VTCN1: variants seen among roughly 807,000 people sequenced by gnomAD.
The protein encoded by VTCN1 is V-set domain containing T cell activation inhibitor 1.
VTCN1 carries 26 observed loss-of-function variants against 26.5 expected under a neutral mutation model. That is an observed-to-expected ratio of 0.98 (90% confidence interval 0.72 to 1.36). The LOEUF (loss-of-function observed/expected upper bound fraction) is 1.36. Among genes scored for constraint, VTCN1 ranks in the 40% most tolerant of loss-of-function variants. The pLI, the probability that VTCN1 is intolerant of heterozygous loss-of-function variation, is 0.00. For missense variants in VTCN1, 298 were observed against 337.7 expected (o/e 0.88, Z 0.92); for synonymous variants, 116 against 130.7 (o/e 0.89, Z 0.77).
At position 117,169,791 on chromosome 1, in the gene VTCN1, AG is replaced by A. The variant is rs745901318; in HGVS notation, c.97+315del. The stretch of plus-strand genomic sequence containing the variant: ...ATGCCTGTAGTCCTAGCTACTTGGG[AG>A]GCTGAGGTGAGAGGATGGCTTGAAC... On this transcript the variant is annotated intron_variant, in intron 2 of 5. Transcript: ENST00000369458. The surrounding 1 kb of genome is among the most constrained non-coding windows in gnomAD (Gnocchi z 4.0). Among the ~76,000 whole-genome samples the A allele has an allele frequency of 2.4e-4, 36 of 152,266 alleles. No individual in the cohort carries two copies. The highest frequency in any genetic ancestry group is 4.4e-4 in the Non-Finnish European group (30 of 68,024).
In VTCN1 at chr1:117,146,553, T is replaced by A. The variant is rs1651518518; in HGVS notation, c.*45+1060A>T. ...GAGGTGGGATATAAGCTAGGAAGCA[T>A]TTTCCTAAAATGGATAAAGGAAGTA... is the stretch of plus-strand genomic sequence containing the variant. On this transcript the variant is annotated intron_variant, in intron 5 of 5. Coordinates refer to ENST00000369458, the MANE Select transcript of VTCN1 (RefSeq NM_024626.4). This position sits in a 1 kb window ranked among gnomAD's most constrained non-coding sequence, Gnocchi z 4.2. Among the ~76,000 whole-genome samples the A allele has an allele frequency of 6.6e-6, 1 of 152,200 alleles. No individual in the cohort carries two copies. The highest frequency in any genetic ancestry group is 2.1e-4 in the South Asian group (1 of 4,828).
rs886345246 is a variant in VTCN1 at position 117,170,121 on chromosome 1, C to T, written c.83G>A (p.Gly28Asp). 3.1e-6 allele frequency: 5 copies of T among 1,613,676 alleles called. No individual in the cohort carries two copies. In the African/African-American group the frequency reaches 4.0e-5, roughly 13 times the overall value. ...ILAGAIALII[G>D]FGISGRHSIT... ...AAATCACATACCTGAAATACCAAAG[C>T]CAATGATGAGTGCAATTGCTCCAGC... Residue 28 changes from glycine to aspartate, a missense_variant, in exon 2 of 6, where the codon GGC becomes GAC. Coordinates refer to ENST00000369458, the MANE Select transcript of VTCN1 (RefSeq NM_024626.4).
Position 117,147,622 on chromosome 1 carries a change from C to A in VTCN1, c.*36G>T. On this transcript the variant is annotated 3_prime_UTR_variant, in exon 5 of 6. Coordinates refer to ENST00000369458, the MANE Select transcript of VTCN1 (RefSeq NM_024626.4). This position sits in a 1 kb window ranked among gnomAD's most constrained non-coding sequence, Gnocchi z 4.6. ...TTGTGATTAATCTCACCTGTTGTAA[C>A]AATGACTTTGCATGCTTTTTTGTGG... The A allele has an allele frequency of 6.2e-7, 1 of 1,609,262 alleles. No individual in the cohort carries two copies. The highest frequency in any genetic ancestry group is 1.7e-4 in the Middle Eastern group (1 of 5,960).
At chr1:117,170,225 C>A in intron 1 of VTCN1, 54 bp from the exon 2 acceptor site, 1 of 1,538,968 alleles carries the variant, frequency 6.5e-7, no homozygotes, top group Non-Finnish European at 9.0e-7. Flanking sequence ...TCTTGATGTG[C>A]TGCTTTGCAA....
chr1:117,158,891 G>A (rs756850152), intron 2 of VTCN1, among the ~76,000 whole-genome samples: 27 of 152,048 alleles, frequency 1.8e-4, no homozygotes, highest in African/African-American at 5.3e-4. Flanking sequence ...CACAAATCTC[G>A]AGGGCAGGGG....
intron 2 of VTCN1, among the ~76,000 whole-genome samples, chr1:117,157,430 G>A (rs10923211): frequency 6.6e-6 from 1 of 151,988 alleles, no homozygotes; most frequent in Non-Finnish European, 1.5e-5. Context: ...GAGGCAAAAG[G>A]CACTTCTTAC....
At chr1:117,198,334 T>A (rs573340713) in intron 1 of VTCN1, among the ~76,000 whole-genome samples, 48 of 152,338 alleles carry the variant, frequency 3.2e-4, no homozygotes, top group Non-Finnish European at 4.4e-5. Flanking sequence ...GTGTTATATG[T>A]GAATGACAGA....
At chr1:117,163,923 TC>T (rs1557864429) in intron 2 of VTCN1, among the ~76,000 whole-genome samples, 1 of 152,198 alleles carries the variant, frequency 6.6e-6, no homozygotes, top group Non-Finnish European at 1.5e-5. Context: ...GTGCAATGTT[TC>T]CATTTTGGTG....
intron 2 of VTCN1, among the ~76,000 whole-genome samples, chr1:117,168,304 G>T (rs1352286147): frequency 6.6e-6 from 1 of 152,200 alleles, no homozygotes; most frequent in African/African-American, 2.4e-5. Flanking sequence ...GGTACTGAAG[G>T]GAAGTGGGGG....
At chr1:117,197,945 A>G (rs1375507445) in intron 1 of VTCN1, among the ~76,000 whole-genome samples, 1 of 152,128 alleles carries the variant, frequency 6.6e-6, no homozygotes, top group Non-Finnish European at 1.5e-5. Context: ...GCTTGTTTGT[A>G]TGCCTGCTGG....
At chr1:117,207,189 C>T (rs865968220) in intron 1 of VTCN1, among the ~76,000 whole-genome samples, 2 of 152,148 alleles carry the variant, frequency 1.3e-5, no homozygotes, top group African/African-American at 4.8e-5. Context: ...CTCCTTGTCC[C>T]AGGATCCCTC....
chr1:117,193,029 C>T (rs142374983), intron 1 of VTCN1, among the ~76,000 whole-genome samples: 2 of 152,146 alleles, frequency 1.3e-5, no homozygotes, highest in African/African-American at 2.4e-5. Context: ...AATAACAATA[C>T]AGCATAACAA....
In VTCN1 at chr1:117,190,163, T is replaced by C. The variant is rs190616805; in HGVS notation, c.33-19992A>G. On this transcript the variant is annotated intron_variant, in intron 1 of 5. Transcript: ENST00000369458. ...TGCTAGTCCCTCTCTGCTGTGCTTA[T>C]GGAACAGTCCTGTTCACTCAGGACT... is the stretch of plus-strand genomic sequence containing the variant. Among the ~76,000 whole-genome samples the C allele has an allele frequency of 6.0e-4, 91 of 152,332 alleles. 1 individual carries two copies. The highest frequency in any genetic ancestry group is 2.0e-3 in the African/African-American group (84 of 41,568).
In VTCN1 at chr1:117,155,689, C is replaced by G. The variant is rs185821710; in HGVS notation, c.445+885G>C. Among the ~76,000 whole-genome samples, 277 of 152,170 alleles carry G rather than the reference C, an allele frequency of 1.8e-3. 2 individuals are homozygous for G. The highest frequency in any genetic ancestry group is 3.5e-3 in the Non-Finnish European group (241 of 68,002). ...CAGGTCTGATTCTAGATCTGAGCTTCGAATCATTGCATATGCATGTTATGA... is the reference window on the plus strand; with the variant it reads ...CAGGTCTGATTCTAGATCTGAGCTTGGAATCATTGCATATGCATGTTATGA... On this transcript the variant is annotated intron_variant, in intron 3 of 5. Coordinates refer to ENST00000369458, the MANE Select transcript of VTCN1 (RefSeq NM_024626.4). The surrounding 1 kb of genome is among the most constrained non-coding windows in gnomAD (Gnocchi z 4.8).
intron 1 of VTCN1, among the ~76,000 whole-genome samples, chr1:117,204,556 A>G (rs1278505552): frequency 6.6e-6 from 1 of 152,104 alleles, no homozygotes; most frequent in African/African-American, 2.4e-5. Flanking sequence ...GTCCCTGGGC[A>G]ATATAGGATC....
chr1:117,170,405 C>A, intron 1 of VTCN1: 1 of 602,538 alleles, frequency 1.7e-6, no homozygotes, highest in East Asian at 3.4e-5. Context: ...TTGCCTCTGA[C>A]TGTGCCATTT....
chr1:117,188,009 G>T (rs144104232), intron 1 of VTCN1, among the ~76,000 whole-genome samples: 27 of 152,128 alleles, frequency 1.8e-4, no homozygotes, highest in African/African-American at 6.5e-4. Context: ...AAGGGCCCAG[G>T]GTAGGAAAAG....
intron 1 of VTCN1, among the ~76,000 whole-genome samples, chr1:117,197,061 A>T (rs376258580): frequency 4.7e-4 from 71 of 152,298 alleles, no homozygotes; most frequent in African/African-American, 1.7e-3. Flanking sequence ...TACCCATATT[A>T]AAAAGATTCT....
At chr1:117,149,869 C>A (rs966036278) in intron 4 of VTCN1, among the ~76,000 whole-genome samples, 39 of 152,142 alleles carry the variant, frequency 2.6e-4, no homozygotes, top group African/African-American at 9.4e-4. Context: ...AGAAATTCTG[C>A]TATTTTCTTA....
Sources: gnomAD v4.1 joint callset for allele counts (sites outside exome capture counted in the v4.1 genomes callset) on GRCh38, gnomAD v4.1.1 for gene constraint, Gnocchi (gnomAD v3.1) non-coding constraint, MANE v1.5 for transcripts, NCBI Gene and HGNC (gene_info 2026-07-23, HGNC 2026-07-21) for gene names.